ZNF624: variants seen among roughly 807,000 people sequenced by gnomAD.
ZNF624 encodes zinc finger protein 624.
In ZNF624, 43 loss-of-function variants were observed where a neutral mutation model predicts 74.7. The ratio of observed to expected loss-of-function variants is 0.58; its 90% CI spans 0.45 to 0.74. The LOEUF (loss-of-function observed/expected upper bound fraction) is 0.74, where lower values mean the gene tolerates loss of function less well. ZNF624 is among the 30% of genes least tolerant of loss of function. ZNF624 has a pLI of 0.00. For synonymous variants in ZNF624, 331 were observed against 341.3 expected (o/e 0.97, Z 0.33); for missense variants, 820 against 1,030.0 (o/e 0.80, Z 2.79).
chr17:16,642,087 A>C (rs1415766542), intron 3 of ZNF624, among the ~76,000 whole-genome samples: 1 of 152,224 alleles, frequency 6.6e-6, no homozygotes, highest in Non-Finnish European at 1.5e-5. Context: ...CTCCAAATTG[A>C]TCAACAGATT....
At position 16,620,829 on chromosome 17, in the gene ZNF624, G is replaced by T. The variant is rs1426815706; in HGVS notation, c.*1459C>A. The T allele has an allele frequency of 6.6e-6, 1 of 152,118 alleles. No homozygotes were observed. The highest frequency in any genetic ancestry group is 1.5e-5 in the Non-Finnish European group (1 of 68,020). The allele number at this position is 152,118 out of a possible 1,614,324, so 9.4% of individuals were successfully genotyped here. A position where few individuals can be genotyped will look rare whatever the true frequency, so the allele number is the denominator to read the frequency against. On this transcript the variant is annotated 3_prime_UTR_variant, in exon 6 of 6. Coordinates refer to ENST00000311331, the MANE Select transcript of ZNF624 (RefSeq NM_020787.4). ...AAAAGAAAGTAAAAAACAAAAAATT[G>T]ATGAACCACTAAAACAGAAATAACC... is the stretch of plus-strand genomic sequence containing the variant.
intron 4 of ZNF624, 76 bp downstream of exon 4, chr17:16,634,554 C>T (rs1909280774): frequency 2.0e-6 from 3 of 1,522,170 alleles, no homozygotes; most frequent in Non-Finnish European, 2.7e-6. Context: ...CAGTTAAGTA[C>T]TTTAGAGGCC....
At chr17:16,632,046 C>T (rs949536019) in intron 5 of ZNF624, among the ~76,000 whole-genome samples, 4 of 152,164 alleles carry the variant, frequency 2.6e-5, no homozygotes, top group African/African-American at 7.2e-5. Context: ...TGGTGAATTC[C>T]ACTACCATAA....
intron 3 of ZNF624, among the ~76,000 whole-genome samples, chr17:16,638,704 G>A (rs1909395342): frequency 6.8e-6 from 1 of 146,740 alleles, no homozygotes; most frequent in Admixed American, 6.8e-5. Context: ...ACACTCCGGG[G>A]GACTGTTGTG....
At chr17:16,629,131 G>A (rs570713500) in intron 5 of ZNF624, among the ~76,000 whole-genome samples, 40 of 146,646 alleles carry the variant, frequency 2.7e-4, no homozygotes, top group African/African-American at 9.6e-4. Flanking sequence ...CCAGGAGGCA[G>A]AGGTTGCAGT....
At chr17:16,632,842 C>T (rs1022751884) in intron 5 of ZNF624, among the ~76,000 whole-genome samples, 3 of 152,244 alleles carry the variant, frequency 2.0e-5, no homozygotes, top group Non-Finnish European at 4.4e-5. Flanking sequence ...AAGCCCTGCA[C>T]AGGCAGGCTG....
In ZNF624 at chr17:16,623,976, A is replaced by G; in HGVS notation, c.910T>C (p.Tyr304His). Residue 304 changes from tyrosine (Y) to histidine (H), a missense_variant, in exon 6 of 6, where the codon TAT (tyrosine) becomes CAT (histidine). Transcript: ENST00000311331. The surrounding 1 kb of genome is among the most constrained non-coding windows in gnomAD (Gnocchi z 5.3). ...GTTTTCCCACATTCATTACATTCAT[A>G]AGGTTTTTCTTTAGTATGAGTTCTT... The part of the protein sequence containing the change: ...HQRTHTKEKP[Y>H]ECNECGKTFS... 2 of 1,613,948 alleles carry G rather than the reference A, an allele frequency of 1.2e-6. No individual in the cohort carries two copies. Among genetic ancestry groups the G allele is most frequent in the East Asian group, 2.2e-5 (1 of 44,866 alleles).
chr17:16,617,486 C>T, downstream of ZNF624: 1 of 1,602,702 alleles, frequency 6.2e-7, no homozygotes, highest in Non-Finnish European at 8.5e-7. Flanking sequence ...ACTTAACCTG[C>T]TTGTCGCATA....
At chr17:16,649,523 C>T in intron 2 of ZNF624, 135 bp downstream of exon 2, 1 of 722,292 alleles carries the variant, frequency 1.4e-6, no homozygotes. Flanking sequence ...TACTGTGAAC[C>T]CAATTTTCAT....
intron 5 of ZNF624, among the ~76,000 whole-genome samples, chr17:16,625,066 G>C (rs71360177): frequency 1.3e-5 from 2 of 148,888 alleles, no homozygotes; most frequent in Non-Finnish European, 3.0e-5. Context: ...TCATAGTTTA[G>C]AGCCAACTAT....
At chr17:16,638,306 C>T (rs953739796) in intron 3 of ZNF624, among the ~76,000 whole-genome samples, 20 of 152,224 alleles carry the variant, frequency 1.3e-4, no homozygotes, top group African/African-American at 4.1e-4. Context: ...GTCAGTGTGG[C>T]GATTCCTCAG....
chr17:16,622,315 T>C lies in ZNF624; in HGVS notation c.2571A>G (p.Ile857Met), dbSNP rs1569039804. The part of the protein sequence containing the change: ...SSSSLTVHQR[I>M]HQRETQLI ...ATATTAACTGAGTTTCTCTTTGATG[T>C]ATTCTTTGATGTACAGTAAGGCTCG... The change falls in exon 6 of 6, where the codon ATA (isoleucine) becomes ATG (methionine). Residue 857 changes from isoleucine (I) to methionine (M), a missense_variant. By Grantham distance (10) the Ile-to-Met change is conservative (BLOSUM62 1). Coordinates refer to ENST00000311331, the MANE Select transcript of ZNF624 (RefSeq NM_020787.4). 1.3e-6 allele frequency: 2 copies of C among 1,578,722 alleles called. No homozygotes were observed. The highest frequency in any genetic ancestry group is 1.9e-5 in the Admixed American group (1 of 52,054).
At chr17:16,616,986 G>A, downstream of ZNF624, 2 of 1,603,504 alleles carry the variant, frequency 1.2e-6, no homozygotes, top group South Asian at 2.2e-5. Flanking sequence ...AATTGGAACG[G>A]GACTGGCTCC....
intron 5 of ZNF624, among the ~76,000 whole-genome samples, chr17:16,625,168 A>T (rs962690725): frequency 2.0e-5 from 3 of 152,000 alleles, no homozygotes; most frequent in African/African-American, 7.2e-5. Flanking sequence ...TTAGTCCCCA[A>T]TCACACTTTC....
At chr17:16,614,799 T>G in the ZNF624 span, among the ~76,000 whole-genome samples, 1 of 152,080 alleles carries the variant, frequency 6.6e-6, no homozygotes, top group Non-Finnish European at 1.5e-5. Context: ...TATACAAAAT[T>G]TTGACAAATT....
In ZNF624 at chr17:16,653,811, G is replaced by C. The variant is rs1052451806; in HGVS notation, c.-50C>G. 1.3e-5 allele frequency: 2 copies of C among 152,804 alleles called. No homozygotes were observed. Among genetic ancestry groups the C allele is most frequent in the African/African-American group, 4.8e-5 (2 of 41,478 alleles). The allele number at this position is 152,804 out of a possible 1,614,324, so 9.5% of individuals were successfully genotyped here. A position where few individuals can be genotyped will look rare whatever the true frequency, so the allele number is the denominator to read the frequency against. ...CTGAGGGAACTCGCAGAGCAGGGCG[G>C]GAACGCTTCCAGCAATGGCGGCGGC... On this transcript the variant is annotated 5_prime_UTR_variant, in exon 1 of 6. Coordinates refer to ENST00000311331, the MANE Select transcript of ZNF624 (RefSeq NM_020787.4).
At chr17:16,617,334 T>C, downstream of ZNF624, 1 of 1,613,760 alleles carries the variant, frequency 6.2e-7, no homozygotes, top group Non-Finnish European at 8.5e-7. Context: ...GGCTTGTGCG[T>C]GGCTTATCTT....
At chr17:16,628,120 A>T (rs1394454107) in intron 5 of ZNF624, among the ~76,000 whole-genome samples, 1 of 152,076 alleles carries the variant, frequency 6.6e-6, no homozygotes, top group East Asian at 1.9e-4. Flanking sequence ...AAAATTGGCC[A>T]GGCATGGTGG....
chr17:16,641,206 A>G (rs1266217711), intron 3 of ZNF624, among the ~76,000 whole-genome samples: 1 of 152,220 alleles, frequency 6.6e-6, no homozygotes, highest in Non-Finnish European at 1.5e-5. Flanking sequence ...ACTTAATGGT[A>G]AACAGCTGAA....
Sources: gnomAD v4.1 joint callset for allele counts (sites outside exome capture counted in the v4.1 genomes callset) on GRCh38, gnomAD v4.1.1 for gene constraint, Gnocchi (gnomAD v3.1) non-coding constraint, MANE v1.5 for transcripts, NCBI Gene and HGNC (gene_info 2026-07-23, HGNC 2026-07-21) for gene names.